Variants in KLC1 observed in about 807,000 individuals in gnomAD.
KLC1 encodes kinesin light chain 1.
A neutral mutation model predicts 84.2 loss-of-function variants in KLC1; 30 were observed. The observed-to-expected ratio is 0.36, with a 90% CI of 0.27 to 0.48. The LOEUF is 0.48. Among genes scored for constraint, KLC1 ranks in the 20% least tolerant of loss-of-function variants. KLC1 has a pLI of 0.99. For synonymous variants in KLC1, 289 were observed against 293.3 expected (o/e 0.99, Z 0.15); for missense variants, 499 against 805.4 (o/e 0.62, Z 4.60).
intron 15 of KLC1, chr14:103,699,525 C>T (rs1340822125): frequency 4.3e-6 from 7 of 1,613,360 alleles, no homozygotes; most frequent in Non-Finnish European, 5.9e-6. Context: ...CGAGCCATGC[C>T]CCGAGACAGC....
chr14:103,667,523 A>G lies in KLC1; in HGVS notation c.798-1988A>G, dbSNP rs35366785. On this transcript the variant is annotated intron_variant, in intron 5 of 16. Coordinates refer to ENST00000334553, the MANE Select transcript of KLC1 (RefSeq NM_001394837.1). Reference sequence around the variant, plus strand: ...GCTAATTTTTTGTATTTTAGTAGAGATGGGGTTTCACTGTGTTGCCCAGGC... The same window carrying G: ...GCTAATTTTTTGTATTTTAGTAGAGGTGGGGTTTCACTGTGTTGCCCAGGC... Among the ~76,000 whole-genome samples the G allele has an allele frequency of 2.9e-3, 442 of 151,242 alleles. 1 individual carries two copies. The Middle Eastern group carries it at 0.034, about 12-fold the overall frequency.
chr14:103,686,620 G>C (rs765748386), intron 13 of KLC1: 1 of 152,232 alleles, frequency 6.6e-6, no homozygotes, highest in African/African-American at 2.4e-5. Context: ...GCATTTAGAC[G>C]AAACTGTTAA....
intron 1 of KLC1, among the ~76,000 whole-genome samples, chr14:103,644,328 C>T (rs1415231025): frequency 5.4e-5 from 8 of 149,472 alleles, no homozygotes; most frequent in African/African-American, 1.2e-4. Flanking sequence ...GGCGTGATCT[C>T]GGCTCACTGC....
intron 1 of KLC1, among the ~76,000 whole-genome samples, chr14:103,647,355 C>T (rs999879689): frequency 6.6e-6 from 1 of 151,942 alleles, no homozygotes; most frequent in Admixed American, 6.6e-5. Context: ...TCCTGAGTAG[C>T]TGAGACTACA....
At chr14:103,662,320 C>T (rs969114852) in intron 4 of KLC1, 126 bp downstream of exon 4, 15 of 802,870 alleles carry the variant, frequency 1.9e-5, no homozygotes, top group Non-Finnish European at 1.3e-5. Flanking sequence ...ACCACCAGAG[C>T]GGGGTTGCCT....
At position 103,693,822 on chromosome 14, in the gene KLC1, G is replaced by A; in HGVS notation, c.1848+1397G>A. Reference sequence around the variant, plus strand: ...CTGTTACTCGGCCTGCAGCCCCAGTGCCAGGAGCCACCCCGACCGCGACCC... The same window carrying A: ...CTGTTACTCGGCCTGCAGCCCCAGTACCAGGAGCCACCCCGACCGCGACCC... On this transcript the variant is annotated intron_variant, in intron 15 of 16. Coordinates refer to ENST00000334553, the MANE Select transcript of KLC1 (RefSeq NM_001394837.1). The surrounding 1 kb of genome is among the most constrained non-coding windows in gnomAD (Gnocchi z 5.1). 3 of 1,395,728 alleles carry A rather than the reference G, an allele frequency of 2.1e-6. No homozygotes were observed. Among genetic ancestry groups the A allele is most frequent in the Non-Finnish European group, 2.8e-6 (3 of 1,078,324 alleles). The allele number at this position is 1,395,728 out of a possible 1,614,324, so 86.5% of individuals were successfully genotyped here.
At chr14:103,660,367 G>A (rs1191890639) in intron 3 of KLC1, among the ~76,000 whole-genome samples, 1 of 151,776 alleles carries the variant, frequency 6.6e-6, no homozygotes, top group Non-Finnish European at 1.5e-5. Flanking sequence ...TGTAATCCCA[G>A]CTACTCAGGA....
At chr14:103,661,491 C>T (rs1476394936) in intron 3 of KLC1, among the ~76,000 whole-genome samples, 1 of 152,196 alleles carries the variant, frequency 6.6e-6, no homozygotes, top group Non-Finnish European at 1.5e-5. Context: ...GTGTCTTTAT[C>T]ACATTTTCCC....
At chr14:103,696,391 C>T in intron 15 of KLC1, 1 of 985,390 alleles carries the variant, frequency 1.0e-6, no homozygotes, top group Non-Finnish European at 1.2e-6. Flanking sequence ...TCGTTGTTTT[C>T]TGGATTAAGC....
chr14:103,676,477 G>A (rs759016637), intron 11 of KLC1, among the ~76,000 whole-genome samples: 1 of 152,136 alleles, frequency 6.6e-6, no homozygotes, highest in Non-Finnish European at 1.5e-5. Flanking sequence ...TGTTGGCCAG[G>A]CTGGTTTTGA....
At chr14:103,664,397 CT>C (rs1175978180) in intron 5 of KLC1, among the ~76,000 whole-genome samples, 4 of 151,904 alleles carry the variant, frequency 2.6e-5, no homozygotes, top group Non-Finnish European at 4.4e-5. Flanking sequence ...AGTGATCCTT[CT>C]GTCTCGGCCT....
intron 1 of KLC1, among the ~76,000 whole-genome samples, chr14:103,632,549 C>T (rs1469653862): frequency 6.6e-6 from 1 of 151,972 alleles, no homozygotes; most frequent in Non-Finnish European, 1.5e-5. Context: ...AACCCTGTCT[C>T]TACTAAAAAT....
At chr14:103,689,372 G>C (rs2081960720) in intron 14 of KLC1, among the ~76,000 whole-genome samples, 1 of 152,120 alleles carries the variant, frequency 6.6e-6, no homozygotes, top group Non-Finnish European at 1.5e-5. Context: ...TTAGAACTGT[G>C]GTCAGTGTTC....
chr14:103,649,726 C>T (rs541843459), intron 1 of KLC1, among the ~76,000 whole-genome samples: 100 of 150,064 alleles, frequency 6.7e-4, no homozygotes, highest in African/African-American at 2.2e-3. Flanking sequence ...GACGGAGTCT[C>T]GCTCTGTCGC....
At chr14:103,664,618 A>G (rs1481416738) in intron 5 of KLC1, among the ~76,000 whole-genome samples, 1 of 151,126 alleles carries the variant, frequency 6.6e-6, no homozygotes, top group East Asian at 2.0e-4. Flanking sequence ...GGCCTCAAGC[A>G]ATCTTCCTGC....
intron 15 of KLC1, chr14:103,695,839 G>A (rs2082427693): frequency 1.0e-6 from 1 of 985,296 alleles, no homozygotes; most frequent in African/African-American, 1.7e-5. Flanking sequence ...AGCTCATAAA[G>A]GAAGGTTCGT....
At position 103,679,393 on chromosome 14, in the gene KLC1, A is replaced by G; in HGVS notation, c.1498A>G (p.Asn500Asp). Residue 500 changes from asparagine (N) to aspartate (D), a missense_variant, in exon 13 of 17, where the codon AAT (asparagine) becomes GAT (aspartate). Physicochemically the swap from Asn to Asp is conservative, Grantham distance 23 (BLOSUM62 1). Around this residue, in one of 3 missense-constraint regions of KLC1, gnomAD observed 167 missense variants for 208.8 expected, o/e 0.80. Coordinates refer to ENST00000334553, the MANE Select transcript of KLC1 (RefSeq NM_001394837.1). ...CCTGCCTGGCTCACAGGGTCTTGAC[A>G]ATGTTCACAAACAGAGGGTGGCAGA... ...AMRSRKQGLD[N>D]VHKQRVAEVL... The G allele has an allele frequency of 6.2e-7, 1 of 1,613,912 alleles. No individual in the cohort carries two copies. Among genetic ancestry groups the G allele is most frequent in the South Asian group, 1.1e-5 (1 of 91,072 alleles).
intron 1 of KLC1, among the ~76,000 whole-genome samples, chr14:103,648,957 C>G (rs1196156231): frequency 6.6e-6 from 1 of 151,498 alleles, no homozygotes; most frequent in Non-Finnish European, 1.5e-5. Flanking sequence ...GGCAACATGG[C>G]GAAACTGTGT....
intron 1 of KLC1, among the ~76,000 whole-genome samples, chr14:103,638,594 G>A (rs1351747683): frequency 6.6e-6 from 1 of 151,276 alleles, no homozygotes; most frequent in Non-Finnish European, 1.5e-5. Flanking sequence ...ATAAAACCAG[G>A]GGAGGTAAAG....
Sources: gnomAD v4.1 joint callset for allele counts (sites outside exome capture counted in the v4.1 genomes callset) on GRCh38, gnomAD v4.1.1 for gene constraint, gnomAD v4.1.1 regional missense constraint, Gnocchi (gnomAD v3.1) non-coding constraint, MANE v1.5 for transcripts, NCBI Gene and HGNC (gene_info 2026-07-23, HGNC 2026-07-21) for gene names.